The following PPIL2 variants were observed in gnomAD, a reference collection of about 807,000 sequenced individuals.
The protein encoded by PPIL2 is RING-type E3 ubiquitin-protein ligase PPIL2.
A neutral mutation model predicts 75.2 loss-of-function variants in PPIL2; 50 were observed. That is an observed-to-expected ratio of 0.66 (90% CI 0.53 to 0.84). The LOEUF is 0.84. Ranked by LOEUF, PPIL2 falls within the 40% of genes least tolerant of loss-of-function variation. The pLI, the probability that PPIL2 is intolerant of heterozygous loss-of-function variation, is 0.00. For missense variants in PPIL2, 590 were observed against 685.0 expected, an observed-to-expected ratio of 0.86 and a Z score of 1.55; for synonymous variants, 245 against 258.8, an observed-to-expected ratio of 0.95 and a Z score of 0.51.
intron 14 of PPIL2, 47 bp downstream of exon 14, chr22:21,688,153 T>TG (rs763709680): frequency 6.8e-6 from 11 of 1,612,308 alleles, no homozygotes; most frequent in East Asian, 2.2e-5. Flanking sequence ...GGCTGCTCCG[T>TG]GGGGCATGAG....
At chr22:21,680,992 G>A (rs867198477) in intron 6 of PPIL2, among the ~76,000 whole-genome samples, 1 of 152,096 alleles carries the variant, frequency 6.6e-6, no homozygotes, top group Non-Finnish European at 1.5e-5. Context: ...GTTTCCTGCC[G>A]AGGGCCAACT....
chr22:21,684,742 C>T lies in PPIL2; in HGVS notation c.554-11C>T. 1 of 1,613,534 alleles carries T rather than the reference C, an allele frequency of 6.2e-7. No homozygotes were observed. Among genetic ancestry groups the T allele is most frequent in the Non-Finnish European group, 8.5e-7 (1 of 1,179,790 alleles). On this transcript the variant is annotated splice_polypyrimidine_tract_variant and intron_variant, in intron 9 of 19. Coordinates refer to ENST00000398831, the MANE Select transcript of PPIL2 (RefSeq NM_014337.4). ...GGCTCGGCGGCTCAGGGCCATGCTA[C>T]TGTTTTGTAGATGAAGAGAAGGCCA...
chr22:21,670,107 G>T (rs2066573898), intron 2 of PPIL2, 145 bp downstream of exon 2: 2 of 950,418 alleles, frequency 2.1e-6, no homozygotes, highest in African/African-American at 3.3e-5. Context: ...TCATGAAAGA[G>T]AAATATACTC....
At chr22:21,673,105 G>A (rs1226633295) in intron 5 of PPIL2, among the ~76,000 whole-genome samples, 3 of 152,216 alleles carry the variant, frequency 2.0e-5, no homozygotes, top group Admixed American at 1.3e-4. Context: ...GAGTGTTCTT[G>A]GACCAGCGAC....
In PPIL2 at chr22:21,683,199, C is replaced by G; in HGVS notation, c.495C>G (p.Asp165Glu). 1 of 1,613,598 alleles carries G rather than the reference C, an allele frequency of 6.2e-7. No individual in the cohort carries two copies. Among genetic ancestry groups the G allele is most frequent in the Non-Finnish European group, 8.5e-7 (1 of 1,179,492 alleles). Residue 165 changes from aspartate to glutamate, a missense_variant, in exon 9 of 20, where the codon GAC becomes GAG. By Grantham distance (45) the Asp-to-Glu change is conservative. Transcript: ENST00000398831. ...IITLQDPTNL[D>E]KFNVSNFYHV... Reference sequence around the variant, plus strand: ...TGCCACAGGACCCCACCAATTTGGACAAGTTCAATGTCTCTAACTTCTATC... The same window carrying G: ...TGCCACAGGACCCCACCAATTTGGAGAAGTTCAATGTCTCTAACTTCTATC...
chr22:21,694,974 C>T lies in PPIL2; in HGVS notation c.1370C>T (p.Pro457Leu), dbSNP rs141406819. The change falls in exon 19 of 20, where the codon CCG becomes CTG. Residue 457 changes from proline to leucine, a missense_variant. Physicochemically the swap from Pro to Leu is moderately conservative, Grantham distance 98. Coordinates refer to ENST00000398831, the MANE Select transcript of PPIL2 (RefSeq NM_014337.4). ...QERKTQLKVA[P>L]ETKVKSSQPQ... ...CGGAAGACACAGCTCAAGGTAGCCCCGGAGACCAAAGTGAAGAGCAGCCAG... is the reference window on the plus strand; with the variant it reads ...CGGAAGACACAGCTCAAGGTAGCCCTGGAGACCAAAGTGAAGAGCAGCCAG... 935 of 1,613,862 alleles carry T rather than the reference C, an allele frequency of 5.8e-4. 9 individuals carry two copies. The African/African-American group carries it at 0.011, about 18-fold the overall frequency.
chr22:21,676,747 A>G (rs188415469), intron 6 of PPIL2, among the ~76,000 whole-genome samples: 3 of 152,172 alleles, frequency 2.0e-5, no homozygotes, highest in Non-Finnish European at 4.4e-5. Context: ...GGAGTCTCCT[A>G]TGTCTACTTG....
At chr22:21,674,792 A>C (rs1406417409) in intron 5 of PPIL2, among the ~76,000 whole-genome samples, 1 of 152,240 alleles carries the variant, frequency 6.6e-6, no homozygotes, top group Non-Finnish European at 1.5e-5. Flanking sequence ...GCAGAAGTAT[A>C]ACACACACCA....
rs2067283966 is a variant in PPIL2, at chr22:21,684,740, T to C, written c.554-13T>C. 6.2e-7 allele frequency: 1 copy of C among 1,613,452 alleles called. No homozygotes were observed. On this transcript the variant is annotated splice_polypyrimidine_tract_variant and intron_variant, in intron 9 of 19. Coordinates refer to ENST00000398831, the MANE Select transcript of PPIL2 (RefSeq NM_014337.4). ...GGGGCTCGGCGGCTCAGGGCCATGC[T>C]ACTGTTTTGTAGATGAAGAGAAGGC...
In PPIL2 at chr22:21,695,708, C is replaced by G. The variant is rs2067898468; in HGVS notation, c.*218C>G. 2 of 1,368,418 alleles carry G rather than the reference C, an allele frequency of 1.5e-6. No individual in the cohort carries two copies. Among genetic ancestry groups the G allele is most frequent in the South Asian group, 3.0e-5 (2 of 66,392 alleles). The allele number at this position is 1,368,418 out of a possible 1,614,324, so 84.8% of individuals were successfully genotyped here. A position where few individuals can be genotyped will look rare whatever the true frequency, so the allele number is the denominator to read the frequency against. The stretch of plus-strand genomic sequence containing the variant: ...GCCCTGTTTCCAGGACCTGGCCCAG[C>G]CAGAGCCCACTGCTGGGACCTTCAA... On this transcript the variant is annotated 3_prime_UTR_variant, in exon 20 of 20. Coordinates refer to ENST00000398831, the MANE Select transcript of PPIL2 (RefSeq NM_014337.4).
rs755548734 is a variant in PPIL2 at position 21,696,782 on chromosome 22, C to CATCA, written c.*1297_*1300dup. 265 of 1,547,640 alleles carry CATCA rather than the reference C, an allele frequency of 1.7e-4. No homozygotes were observed. In the African/African-American group the frequency reaches 1.9e-3, roughly 11 times the overall value. Reference sequence around the variant, plus strand: ...GCTGTACCTCTGCCCTTCCTTTTCTCATCAATCACTGATGCTGAAGCTGCA... The same window carrying CATCA: ...GCTGTACCTCTGCCCTTCCTTTTCTCATCAATCAATCACTGATGCTGAAGCTGCA... On this transcript the variant is annotated 3_prime_UTR_variant, in exon 20 of 20. Coordinates refer to ENST00000398831, the MANE Select transcript of PPIL2 (RefSeq NM_014337.4).
chr22:21,677,860 T>G (rs451422), intron 6 of PPIL2, among the ~76,000 whole-genome samples: 149,375 of 152,282 alleles, frequency 0.98, 73,344 homozygotes, highest in African/African-American at 1. Flanking sequence ...CTTGTGTGTG[T>G]AGAGCACAGC....
At chr22:21,694,885 A>G in intron 18 of PPIL2, 52 bp from the exon 19 acceptor site, 4 of 1,600,042 alleles carry the variant, frequency 2.5e-6, no homozygotes, top group Non-Finnish European at 3.4e-6. Context: ...CAAGCCTAGC[A>G]TCTGTCCTGC....
At chr22:21,677,993 C>T (rs577447096) in intron 6 of PPIL2, among the ~76,000 whole-genome samples, 3 of 152,268 alleles carry the variant, frequency 2.0e-5, no homozygotes, top group Non-Finnish European at 4.4e-5. Flanking sequence ...GGCGCACGCT[C>T]AAGGGTGTCT....
At chr22:21,691,385 AT>A (rs977300312) in intron 15 of PPIL2, among the ~76,000 whole-genome samples, 63 of 152,150 alleles carry the variant, frequency 4.1e-4, no homozygotes, top group African/African-American at 1.5e-3. Flanking sequence ...GTAATTAAAG[AT>A]TTTCCAGGAG....
rs2067291915 is a variant in PPIL2 at position 21,684,889 on chromosome 22, G to T, written c.690G>T (p.Lys230Asn). 1 of 1,614,056 alleles carries T rather than the reference G, an allele frequency of 6.2e-7. No homozygotes were observed. The highest frequency in any genetic ancestry group is 8.5e-7 in the Non-Finnish European group (1 of 1,179,918). ...ILAATMKAPEKKKVDKLNAAH... is the reference protein window; with the variant it reads ...ILAATMKAPENKKVDKLNAAH... ...CAGCCACCATGAAGGCCCCGGAGAA[G>T]AAGAAAGTGGACAAGCTGAACGCTG... Residue 230 changes from lysine to asparagine, a missense_variant, in exon 10 of 20, where the codon AAG becomes AAT. By Grantham distance (94) the Lys-to-Asn change is moderately conservative. Transcript: ENST00000398831.
At chr22:21,683,432 T>C (rs1185706885) in intron 9 of PPIL2, among the ~76,000 whole-genome samples, 175 bp downstream of exon 9, 9 of 151,936 alleles carry the variant, frequency 5.9e-5, no homozygotes, top group Non-Finnish European at 2.9e-5. Flanking sequence ...TCAGAAACAA[T>C]GGGCGGGATA....
chr22:21,686,921 C>A lies in PPIL2; in HGVS notation c.820C>A (p.Gln274Lys). The change falls in exon 12 of 20, where the codon CAG becomes AAG. Residue 274 changes from glutamine to lysine, a missense_variant. Coordinates refer to ENST00000398831, the MANE Select transcript of PPIL2 (RefSeq NM_014337.4). ...CATCGACGAGGATGTGCTGCGCTAC[C>A]AGTTTGTGAAGAAGAAGGGCTACGT... ...AAIDEDVLRY[Q>K]FVKKKGYVRL... 1 of 1,614,100 alleles carries A rather than the reference C, an allele frequency of 6.2e-7. No individual in the cohort carries two copies. Among genetic ancestry groups the A allele is most frequent in the South Asian group, 1.1e-5 (1 of 91,080 alleles).
chr22:21,679,307 CA>C (rs1285221085), intron 6 of PPIL2, among the ~76,000 whole-genome samples: 2 of 148,320 alleles, frequency 1.3e-5, no homozygotes, highest in African/African-American at 4.9e-5. Context: ...ATCCCCCCAC[CA>C]AAAAAAAACA....
Sources: allele counts gnomAD v4.1 joint callset (sites outside exome capture counted in the v4.1 genomes callset), GRCh38; gene constraint gnomAD v4.1.1; transcripts MANE v1.5; gene names NCBI Gene and HGNC (gene_info 2026-07-23, HGNC 2026-07-21).